ZNF749: variants seen among roughly 807,000 people sequenced by gnomAD.
The protein encoded by ZNF749 is zinc finger protein 749.
In ZNF749, 8 loss-of-function variants were observed where a neutral mutation model predicts 7.3. The ratio of observed to expected loss-of-function variants is 1.10; its 90% CI spans 0.64 to 1.98. ZNF749 has a LOEUF of 1.98. Ranked by LOEUF, ZNF749 falls within the 30% of genes most tolerant of loss-of-function variation. The pLI, the probability that ZNF749 is intolerant of heterozygous loss-of-function variation, is 0.00. For synonymous variants in ZNF749, 310 were observed against 322.4 expected (o/e 0.96, Z 0.41); for missense variants, 898 against 932.4 (o/e 0.96, Z 0.48).
rs983185753 is a variant in ZNF749, at chr19:57,439,135, A to G, written c.16-2750A>G. ...TTTAGTGGCTCCCTCTGCCTGCAGA[A>G]TGGAAGACCACGTGCAGGTGAGGGT... is the stretch of plus-strand genomic sequence containing the variant. On this transcript the variant is annotated intron_variant, in intron 1 of 2. Transcript: ENST00000334181. This position sits in a 1 kb window ranked among gnomAD's most constrained non-coding sequence, Gnocchi z 4.3. Among the ~76,000 whole-genome samples the G allele has an allele frequency of 2.0e-5, 3 of 152,134 alleles. No homozygotes were observed. Among genetic ancestry groups the G allele is most frequent in the Admixed American group, 6.5e-5 (1 of 15,286 alleles).
chr19:57,435,978 G>C (rs1465587245), intron 1 of ZNF749, among the ~76,000 whole-genome samples: 1 of 152,210 alleles, frequency 6.6e-6, no homozygotes, highest in Non-Finnish European at 1.5e-5. Flanking sequence ...TGTTGAACGG[G>C]GGCAGGGGGA....
chr19:57,442,200 C>A lies in ZNF749; in HGVS notation c.142+189C>A, dbSNP rs2088998169. The stretch of plus-strand genomic sequence containing the variant: ...CTGTACCACCTCCCCTTAAGCAGCC[C>A]CAGCTTCTGTTGCTCTGAAACTTTA... On this transcript the variant is annotated intron_variant, in intron 2 of 2. Coordinates refer to ENST00000334181, the MANE Select transcript of ZNF749 (RefSeq NM_001023561.4). The surrounding 1 kb of genome is among the most constrained non-coding windows in gnomAD (Gnocchi z 6.6). Among the ~76,000 whole-genome samples, 5 of 152,180 alleles carry A rather than the reference C, an allele frequency of 3.3e-5. No homozygotes were observed. Among genetic ancestry groups the A allele is most frequent in the Admixed American group, 3.3e-4 (5 of 15,272 alleles).
intron 1 of ZNF749, among the ~76,000 whole-genome samples, chr19:57,439,000 T>C (rs556585483): frequency 6.6e-6 from 1 of 152,176 alleles, no homozygotes; most frequent in Non-Finnish European, 1.5e-5. Flanking sequence ...ATACAGGGCA[T>C]GCGGGATCGG....
intron 1 of ZNF749, among the ~76,000 whole-genome samples, chr19:57,438,919 G>A (rs540096644): frequency 6.6e-6 from 1 of 152,324 alleles, no homozygotes; most frequent in East Asian, 1.9e-4. Context: ...TAGCTGGGAT[G>A]TTTAGTGAAC....
At chr19:57,429,921 A>T in the ZNF749 span, among the ~76,000 whole-genome samples, 1 of 152,166 alleles carries the variant, frequency 6.6e-6, no homozygotes, top group Admixed American at 6.5e-5. The surrounding 1 kb of genome is among the most constrained non-coding windows in gnomAD (Gnocchi z 4.2). Flanking sequence ...ACTCTGTTCG[A>T]ATGGATTTTG....
chr19:57,443,377 G>T lies in ZNF749; in HGVS notation c.229G>T (p.Ala77Ser). 1 of 1,614,256 alleles carries T rather than the reference G, an allele frequency of 6.2e-7. No homozygotes were observed. Among genetic ancestry groups the T allele is most frequent in the Non-Finnish European group, 8.5e-7 (1 of 1,180,046 alleles). ...GTTACAGGTCACAATTCCAAAGCCA[G>T]CTTTGTCCACCCTGAAGGCCCAGCC... ...RVLQVTIPKP[A>S]LSTLKAQPCK... The change falls in exon 3 of 3, where the codon GCT becomes TCT. Residue 77 changes from alanine (A) to serine (S), a missense_variant. Coordinates refer to ENST00000334181, the MANE Select transcript of ZNF749 (RefSeq NM_001023561.4).
At chr19:57,432,004 G>A (rs2088901054), upstream of ZNF749, among the ~76,000 whole-genome samples, 1 of 151,810 alleles carries the variant, frequency 6.6e-6, no homozygotes, top group Non-Finnish European at 1.5e-5. Context: ...TAGTAAAGAT[G>A]GAGTTTTTAG....
chr19:57,445,922 T>A lies in ZNF749; in HGVS notation c.*437T>A, dbSNP rs139217049. Reference sequence around the variant, plus strand: ...TCCAGCCTGGGTGACAGGGCGAGACTCTGTCTCAAAAAGAAAAAAATTATA... The same window carrying A: ...TCCAGCCTGGGTGACAGGGCGAGACACTGTCTCAAAAAGAAAAAAATTATA... On this transcript the variant is annotated 3_prime_UTR_variant, in exon 3 of 3. Transcript: ENST00000334181. Among the ~76,000 whole-genome samples, 1,191 of 152,232 alleles carry A rather than the reference T, an allele frequency of 7.8e-3. 19 individuals carry two copies. The highest frequency in any genetic ancestry group is 0.027 in the African/African-American group (1,120 of 41,542).
At position 57,442,138 on chromosome 19, in the gene ZNF749, C is replaced by A. The variant is rs947231555; in HGVS notation, c.142+127C>A. 83 of 1,296,388 alleles carry A rather than the reference C, an allele frequency of 6.4e-5. No individual in the cohort carries two copies. Among genetic ancestry groups the A allele is most frequent in the Non-Finnish European group, 8.4e-5 (79 of 939,318 alleles). 80.3% of individuals were successfully genotyped at this position (1,296,388 alleles called of 1,614,324 possible). On this transcript the variant is annotated intron_variant, in intron 2 of 2. Transcript: ENST00000334181. This position sits in a 1 kb window ranked among gnomAD's most constrained non-coding sequence, Gnocchi z 6.6. ...GTCCTGTCCTCTCCTGGTTTCCTGGCAAATGTGATAAGGCAGCCAGAGCTG... is the reference window on the plus strand; with the variant it reads ...GTCCTGTCCTCTCCTGGTTTCCTGGAAAATGTGATAAGGCAGCCAGAGCTG...
upstream of ZNF749, chr19:57,435,268 G>C: frequency 1.9e-6 from 1 of 524,724 alleles, no homozygotes; most frequent in Non-Finnish European, 3.4e-6. Context: ...AGGGCAGCGA[G>C]TGTAGCCATT....
upstream of ZNF749, among the ~76,000 whole-genome samples, chr19:57,430,398 T>G (rs527523054): frequency 3.9e-5 from 6 of 152,338 alleles, no homozygotes; most frequent in East Asian, 7.7e-4. Flanking sequence ...CTCTTAAAGG[T>G]TCCACCTCTT....
chr19:57,437,723 C>CAAA (rs35006340), intron 1 of ZNF749, among the ~76,000 whole-genome samples: 49 of 56,010 alleles, frequency 8.7e-4, no homozygotes, highest in African/African-American at 3.2e-3. Context: ...GACACTGTCT[C>CAAA]AAAAAAAAAA....
In ZNF749 at chr19:57,443,515, A is replaced by G; in HGVS notation, c.367A>G (p.Lys123Glu). The part of the protein sequence containing the change: ...TCAAEHDLHQ[K>E]EQIREKLTRS... ...TGCAGCAGAGCATGACCTGCACCAA[A>G]AGGAGCAGATTAGAGAGAAGCTCAC... The change falls in exon 3 of 3, where the codon AAG becomes GAG. Residue 123 changes from lysine to glutamate, a missense_variant. Transcript: ENST00000334181. 6.2e-7 allele frequency: 1 copy of G among 1,614,190 alleles called. No homozygotes were observed. The highest frequency in any genetic ancestry group is 8.5e-7 in the Non-Finnish European group (1 of 1,179,994).
upstream of ZNF749, among the ~76,000 whole-genome samples, chr19:57,432,585 G>A (rs1014325339): frequency 5.8e-5 from 5 of 85,672 alleles, no homozygotes; most frequent in African/African-American, 8.8e-5. Context: ...AAAAAAAAAA[G>A]GTGGGGGGGA....
chr19:57,428,601 G>A, the ZNF749 span: 1 of 151,586 alleles, frequency 6.6e-6, no homozygotes, highest in Non-Finnish European at 1.5e-5. Flanking sequence ...CACCACACTT[G>A]GCTACTGTTA....
intron 1 of ZNF749, among the ~76,000 whole-genome samples, chr19:57,441,642 A>C (rs2088990839): frequency 6.6e-6 from 1 of 152,136 alleles, no homozygotes; most frequent in African/African-American, 2.4e-5. Context: ...TGGCAGCCTT[A>C]GGGCTAAGAG....
At chr19:57,431,439 T>A (rs534302362), upstream of ZNF749, among the ~76,000 whole-genome samples, 231 of 152,262 alleles carry the variant, frequency 1.5e-3, 2 homozygotes, top group African/African-American at 5.1e-3. Flanking sequence ...AGAGTACATA[T>A]AACATGCAGG....
At position 57,444,894 on chromosome 19, in the gene ZNF749, G is replaced by A; in HGVS notation, c.1746G>A (p.Arg582=). 2 of 1,614,206 alleles carry A rather than the reference G, an allele frequency of 1.2e-6. No homozygotes were observed. Among genetic ancestry groups the A allele is most frequent in the Non-Finnish European group, 1.7e-6 (2 of 1,180,024 alleles). The change falls in exon 3 of 3, where the codon CGG becomes CGA. Residue 582 remains arginine, a synonymous_variant. Transcript: ENST00000334181. ...ACCAGAAAATCCAGACTGGAGAACG[G>A]CGTTATGAATGCAATGAATGTGGGA... ...DGHQKIQTGE[R]RYECNECGKF... is the part of the protein sequence containing the mutation.
At chr19:57,435,675 C>A (rs2088928258) in intron 1 of ZNF749, 82 bp downstream of exon 1, 1 of 1,547,284 alleles carries the variant, frequency 6.5e-7, no homozygotes, top group Non-Finnish European at 8.7e-7. Flanking sequence ...CAGGTTAGGC[C>A]CTTGTGTCTC....
Sources: allele counts gnomAD v4.1 joint callset (sites outside exome capture counted in the v4.1 genomes callset), GRCh38; gene constraint gnomAD v4.1.1; non-coding constraint Gnocchi (gnomAD v3.1); transcripts MANE v1.5; gene names NCBI Gene and HGNC (gene_info 2026-07-23, HGNC 2026-07-21).